FAM81A: variants seen among roughly 807,000 people sequenced by gnomAD.
FAM81A encodes the protein family with sequence similarity 81 member A.
Under a neutral mutation model 46.7 loss-of-function variants are expected in FAM81A, and 19 were observed. That is an observed-to-expected ratio of 0.41 (90% CI 0.28 to 0.60). The LOEUF (loss-of-function observed/expected upper bound fraction) is 0.60. Ranked by LOEUF, FAM81A falls within the 20% of genes least tolerant of loss-of-function variation. The probability of loss-of-function intolerance (pLI) is 0.34; values close to 1 mark genes in which losing one functional copy is unlikely to be tolerated. For synonymous variants in FAM81A, 183 were observed against 152.9 expected, an observed-to-expected ratio of 1.20 and a Z score of -1.45; for missense variants, 377 against 453.5, an observed-to-expected ratio of 0.83 and a Z score of 1.53.
intron 2 of FAM81A, among the ~76,000 whole-genome samples, chr15:59,411,248 G>A (rs901674147): frequency 1.3e-5 from 2 of 152,146 alleles, no homozygotes. Context: ...GGGAACAGTC[G>A]CTGGGGCAGA....
chr15:59,398,612 T>C (rs1430183803), intron 1 of FAM81A, among the ~76,000 whole-genome samples: 1 of 146,594 alleles, frequency 6.8e-6, no homozygotes, highest in African/African-American at 2.5e-5. Flanking sequence ...AAGAAAATTA[T>C]TGGGGATTGG....
At chr15:59,518,502 T>C (rs570294470) in intron 8 of FAM81A, among the ~76,000 whole-genome samples, 4 of 151,914 alleles carry the variant, frequency 2.6e-5, no homozygotes, top group Non-Finnish European at 5.9e-5. Flanking sequence ...ATTTAAAAAA[T>C]TTTTTTAGAG....
chr15:59,423,341 G>A (rs1335087716), intron 2 of FAM81A, among the ~76,000 whole-genome samples: 2 of 152,268 alleles, frequency 1.3e-5, no homozygotes, highest in East Asian at 3.9e-4. Context: ...CTCGTGATCC[G>A]CCTGCCTCGG....
chr15:59,498,255 A>C (rs1297764813), intron 4 of FAM81A, among the ~76,000 whole-genome samples: 2 of 152,184 alleles, frequency 1.3e-5, no homozygotes, highest in Non-Finnish European at 2.9e-5. Context: ...TATAAATTTC[A>C]CACTTCTTTA....
intron 1 of FAM81A, among the ~76,000 whole-genome samples, chr15:59,440,336 G>T (rs2081284083): frequency 6.6e-6 from 1 of 152,074 alleles, no homozygotes; most frequent in African/African-American, 2.4e-5. Flanking sequence ...CCAAAAGGAG[G>T]AGCAGCAGGA....
At chr15:59,490,813 G>A (rs1439669149) in intron 3 of FAM81A, among the ~76,000 whole-genome samples, 2 of 152,172 alleles carry the variant, frequency 1.3e-5, no homozygotes, top group Non-Finnish European at 2.9e-5. Flanking sequence ...TCCAGCCTGG[G>A]TGACAGTGAG....
intron 2 of FAM81A, among the ~76,000 whole-genome samples, chr15:59,424,809 A>T (rs1232159605): frequency 6.6e-6 from 1 of 152,128 alleles, no homozygotes; most frequent in Non-Finnish European, 1.5e-5. Flanking sequence ...AATCCAAGCC[A>T]CTGTCATACC....
chr15:59,467,246 A>T (rs1374956902), intron 3 of FAM81A, among the ~76,000 whole-genome samples: 1 of 152,166 alleles, frequency 6.6e-6, no homozygotes, highest in African/African-American at 2.4e-5. Flanking sequence ...CTGTGAAGAA[A>T]GTCATTGGTA....
intron 3 of FAM81A, among the ~76,000 whole-genome samples, chr15:59,486,025 G>A (rs111443217): frequency 0.087 from 13,216 of 151,980 alleles, 709 homozygotes; most frequent in African/African-American, 0.15. Flanking sequence ...CTAAAAATAC[G>A]GAAATTAGCC....
chr15:59,408,637 G>T (rs1479171023), intron 2 of FAM81A, among the ~76,000 whole-genome samples: 1 of 152,060 alleles, frequency 6.6e-6, no homozygotes. Flanking sequence ...GACCATCCTG[G>T]CTAACACAGT....
intron 2 of FAM81A, among the ~76,000 whole-genome samples, chr15:59,409,927 G>T (rs1596459825): frequency 6.6e-6 from 1 of 151,782 alleles, no homozygotes; most frequent in East Asian, 1.9e-4. Context: ...TTATTATTAA[G>T]GCACAGAAAT....
At chr15:59,399,721 G>A (rs372258237) in intron 1 of FAM81A, among the ~76,000 whole-genome samples, 1 of 152,106 alleles carries the variant, frequency 6.6e-6, no homozygotes. Context: ...CCTATGCGAG[G>A]CGCTGGCCAG....
chr15:59,518,398 A>C (rs992677864), intron 8 of FAM81A, among the ~76,000 whole-genome samples: 1 of 152,028 alleles, frequency 6.6e-6, no homozygotes, highest in African/African-American at 2.4e-5. Flanking sequence ...ATCGTAGCTC[A>C]CTACAGCCTC....
intron 2 of FAM81A, among the ~76,000 whole-genome samples, chr15:59,419,990 C>T (rs1214318515): frequency 2.0e-5 from 3 of 152,160 alleles, no homozygotes; most frequent in African/African-American, 7.2e-5. Context: ...AGCCCCTTTC[C>T]CCTTCACACT....
intron 8 of FAM81A, among the ~76,000 whole-genome samples, chr15:59,518,772 A>T (rs1183578701): frequency 6.6e-6 from 1 of 151,878 alleles, no homozygotes; most frequent in South Asian, 2.1e-4. Context: ...TTTCCAGTCT[A>T]GTGTCTTTTT....
At chr15:59,507,115 T>A in intron 4 of FAM81A, 98 bp from the exon 5 acceptor site, 2 of 1,447,152 alleles carry the variant, frequency 1.4e-6, no homozygotes, top group South Asian at 2.8e-5. Context: ...ATAGTGCACT[T>A]TCTTTGAGTG....
chr15:59,450,170 A>T (rs12440926), intron 1 of FAM81A, among the ~76,000 whole-genome samples: 110,397 of 148,440 alleles, frequency 0.74, 41,114 homozygotes, highest in East Asian at 0.85. Context: ...GGTTCAAGCC[A>T]TCTGCCGCCT....
At chr15:59,435,912 A>C (rs2081241077), upstream of FAM81A, among the ~76,000 whole-genome samples, 1 of 152,220 alleles carries the variant, frequency 6.6e-6, no homozygotes, top group South Asian at 2.1e-4. Context: ...AAATAGGGAA[A>C]GAGTTGGAAA....
chr15:59,502,548 C>G (rs1428682095), intron 4 of FAM81A, among the ~76,000 whole-genome samples: 3 of 150,900 alleles, frequency 2.0e-5, no homozygotes, highest in Non-Finnish European at 4.4e-5. Flanking sequence ...GAGTTTCGCT[C>G]TGTTGCCTAT....
Sources: gnomAD v4.1 joint callset for allele counts (sites outside exome capture counted in the v4.1 genomes callset) on GRCh38, gnomAD v4.1.1 for gene constraint, MANE v1.5 for transcripts, NCBI Gene and HGNC (gene_info 2026-07-23, HGNC 2026-07-21) for gene names.